Variants in NRG1 observed in about 807,000 individuals in gnomAD.
NRG1 encodes the protein pro-neuregulin-1, membrane-bound isoform.
A neutral mutation model predicts 63.8 loss-of-function variants in NRG1; 18 were observed. That is an observed-to-expected ratio of 0.28 (90% CI 0.19 to 0.42). NRG1 has a LOEUF of 0.42. NRG1 is among the 10% of genes least tolerant of loss of function. The probability of loss-of-function intolerance (pLI) is 1.00; values close to 1 mark genes in which losing one functional copy is unlikely to be tolerated. For missense variants in NRG1, 762 were observed against 814.7 expected, an observed-to-expected ratio of 0.94 and a Z score of 0.79; for synonymous variants, 302 against 301.3, an observed-to-expected ratio of 1.00 and a Z score of -0.02.
At chr8:32,616,846 A>G in exon 5 of NRG1, 1 of 1,601,320 alleles carries the variant, frequency 6.2e-7, no homozygotes, top group Non-Finnish European at 8.6e-7. Context: ...GTCTCCCATT[A>G]GAATATCAGT....
At chr8:32,707,785 GA>G (rs1816801733) in intron 5 of NRG1, among the ~76,000 whole-genome samples, 1 of 151,658 alleles carries the variant, frequency 6.6e-6, no homozygotes, top group Admixed American at 6.6e-5. Context: ...TTTTCTTTCA[GA>G]AAATTGGGCT....
At chr8:32,217,397 C>T (rs1176262526) in intron 1 of NRG1, among the ~76,000 whole-genome samples, 2 of 152,004 alleles carry the variant, frequency 1.3e-5, no homozygotes, top group African/African-American at 4.8e-5. Flanking sequence ...ACGGAGCGTC[C>T]CCTGCTCTGC....
At chr8:32,546,666 G>C (rs930403788), upstream of NRG1, among the ~76,000 whole-genome samples, 2 of 152,042 alleles carry the variant, frequency 1.3e-5, no homozygotes, top group Non-Finnish European at 2.9e-5. Context: ...ATTTATATTT[G>C]GTGTTTGTAG....
At chr8:32,343,394 A>G (rs1245125414) in intron 1 of NRG1, among the ~76,000 whole-genome samples, 1 of 152,172 alleles carries the variant, frequency 6.6e-6, no homozygotes, top group Non-Finnish European at 1.5e-5. Context: ...TACACCTTCA[A>G]ATTTATAAAC....
At chr8:32,361,616 C>A (rs1334736423) in intron 1 of NRG1, among the ~76,000 whole-genome samples, 5 of 152,114 alleles carry the variant, frequency 3.3e-5, no homozygotes, top group African/African-American at 1.2e-4. Context: ...CCACAGAGAT[C>A]AGTTTTACAT....
intron 1 of NRG1, among the ~76,000 whole-genome samples, chr8:32,587,273 C>T (rs1048824231): frequency 2.6e-5 from 4 of 151,818 alleles, no homozygotes; most frequent in Non-Finnish European, 4.4e-5. Flanking sequence ...ATACAAGAAC[C>T]GTCTGACCAC....
chr8:32,439,062 G>A (rs1277292123), intron 1 of NRG1, among the ~76,000 whole-genome samples: 4 of 151,758 alleles, frequency 2.6e-5, no homozygotes, highest in Non-Finnish European at 4.4e-5. Flanking sequence ...ATACTTAATT[G>A]GCAACCAAAT....
At chr8:32,229,665 A>G (rs1266986526) in intron 1 of NRG1, among the ~76,000 whole-genome samples, 1 of 152,124 alleles carries the variant, frequency 6.6e-6, no homozygotes, top group Non-Finnish European at 1.5e-5. Context: ...GTCAATGCGG[A>G]AAACGCTGCC....
intron 1 of NRG1, among the ~76,000 whole-genome samples, chr8:32,321,885 C>G (rs1399422166): frequency 6.6e-6 from 1 of 151,626 alleles, no homozygotes; most frequent in African/African-American, 2.4e-5. Flanking sequence ...CTAGACCTCA[C>G]TCTCTTAGTC....
intron 5 of NRG1, among the ~76,000 whole-genome samples, chr8:32,661,364 A>G (rs568483189): frequency 6.6e-6 from 1 of 152,362 alleles, no homozygotes; most frequent in East Asian, 1.9e-4. Flanking sequence ...GATGCACTCA[A>G]TAAATTAATG....
chr8:32,264,553 C>T (rs960379525), intron 1 of NRG1, among the ~76,000 whole-genome samples: 3 of 152,124 alleles, frequency 2.0e-5, no homozygotes, highest in Non-Finnish European at 4.4e-5. Context: ...CACTGCACAA[C>T]AGTCTATGAT....
chr8:31,933,166 G>C (rs1172007081), intron 1 of NRG1, among the ~76,000 whole-genome samples: 1 of 151,866 alleles, frequency 6.6e-6, no homozygotes, highest in South Asian at 2.1e-4. Context: ...CAATCTACTC[G>C]TGTTTTTTAA....
At chr8:32,300,230 G>T (rs558619361) in intron 1 of NRG1, among the ~76,000 whole-genome samples, 3 of 152,074 alleles carry the variant, frequency 2.0e-5, no homozygotes, top group African/African-American at 7.2e-5. Context: ...CTCTGAGATC[G>T]TTAACACTTT....
intron 1 of NRG1, among the ~76,000 whole-genome samples, chr8:32,044,684 A>G (rs908463445): frequency 1.3e-5 from 2 of 151,690 alleles, no homozygotes; most frequent in African/African-American, 4.8e-5. Context: ...GAACAGTTTG[A>G]AATTCAACAA....
intron 1 of NRG1, among the ~76,000 whole-genome samples, chr8:32,174,730 A>G (rs1343017131): frequency 2.0e-5 from 3 of 152,252 alleles, no homozygotes; most frequent in Admixed American, 6.5e-5. Context: ...TAGAAAATCT[A>G]GAAGAAATGG....
intron 1 of NRG1, among the ~76,000 whole-genome samples, chr8:31,817,947 T>C (rs1359648223): frequency 1.3e-5 from 2 of 152,234 alleles, no homozygotes; most frequent in African/African-American, 4.8e-5. Flanking sequence ...TTAATCTACT[T>C]TAGCAGACCC....
At chr8:32,242,711 C>T (rs961961071) in intron 1 of NRG1, among the ~76,000 whole-genome samples, 3 of 152,064 alleles carry the variant, frequency 2.0e-5, no homozygotes, top group Admixed American at 1.3e-4. Context: ...GATAATCTTA[C>T]CATTAGTTAT....
chr8:32,395,363 T>A (rs1017749385), intron 1 of NRG1, among the ~76,000 whole-genome samples: 1 of 152,186 alleles, frequency 6.6e-6, no homozygotes, highest in African/African-American at 2.4e-5. Flanking sequence ...CCAACAGCAG[T>A]GTCTGGGAAT....
chr8:32,562,989 G>A (rs769351740), intron 1 of NRG1, among the ~76,000 whole-genome samples: 1 of 152,180 alleles, frequency 6.6e-6, no homozygotes, highest in Non-Finnish European at 1.5e-5. Flanking sequence ...GATTTGGTGT[G>A]ATGTGTTCCT....
Sources: gnomAD v4.1 joint callset for allele counts (sites outside exome capture counted in the v4.1 genomes callset) on GRCh38, gnomAD v4.1.1 for gene constraint, MANE v1.5 for transcripts, NCBI Gene and HGNC (gene_info 2026-07-23, HGNC 2026-07-21) for gene names.